ANKIB1: variants seen among roughly 807,000 people sequenced by gnomAD.
ANKIB1 encodes the protein ankyrin repeat and IBR domain-containing protein 1.
In ANKIB1, 43 loss-of-function variants were observed where a neutral mutation model predicts 122.1. The ratio of observed to expected loss-of-function variants is 0.35; its 90% confidence interval spans 0.28 to 0.45. ANKIB1 has a LOEUF of 0.45. Ranked by LOEUF, ANKIB1 falls within the 20% of genes least tolerant of loss-of-function variation. The pLI, the probability that ANKIB1 is intolerant of heterozygous loss-of-function variation, is 1.00. For missense variants in ANKIB1, 992 were observed against 1,329.5 expected, an observed-to-expected ratio of 0.75 and a Z score of 3.95; for synonymous variants, 390 against 442.0, an observed-to-expected ratio of 0.88 and a Z score of 1.48.
chr7:92,303,265 T>A (rs551981827), intron 2 of ANKIB1, among the ~76,000 whole-genome samples: 36 of 152,336 alleles, frequency 2.4e-4, no homozygotes, highest in Non-Finnish European at 4.7e-4. Flanking sequence ...CTTACCTAGT[T>A]GAGCATCCCA....
At chr7:92,256,237 A>G (rs927344967) in intron 1 of ANKIB1, among the ~76,000 whole-genome samples, 1 of 152,226 alleles carries the variant, frequency 6.6e-6, no homozygotes, top group Non-Finnish European at 1.5e-5. Flanking sequence ...TAGGCTGTGA[A>G]GAGATGAATC....
At chr7:92,309,850 G>T (rs1443447228) in intron 3 of ANKIB1, among the ~76,000 whole-genome samples, 1 of 148,578 alleles carries the variant, frequency 6.7e-6, no homozygotes, top group East Asian at 2.0e-4. Context: ...GCCTGAACAT[G>T]GGAGGCAGAG....
intron 1 of ANKIB1, among the ~76,000 whole-genome samples, chr7:92,250,111 T>C (rs562036824): frequency 3.2e-4 from 49 of 152,244 alleles, no homozygotes; most frequent in South Asian, 6.2e-4. Flanking sequence ...GCAGATAATT[T>C]GGCTGGGTGC....
intron 3 of ANKIB1, among the ~76,000 whole-genome samples, 152 bp downstream of exon 3, chr7:92,307,808 C>CTTTTTTTTT (rs71107855): frequency 4.2e-5 from 2 of 47,916 alleles, no homozygotes; most frequent in African/African-American, 9.2e-5. Flanking sequence ...TAAAGGGCCT[C>CTTTTTTTTT]TTTTTTTTTT....
chr7:92,253,448 C>A (rs1801372038), intron 1 of ANKIB1, among the ~76,000 whole-genome samples: 1 of 152,204 alleles, frequency 6.6e-6, no homozygotes, highest in Non-Finnish European at 1.5e-5. Flanking sequence ...CCACACAACA[C>A]CCATTGTCCT....
At chr7:92,338,972 T>TATATATATA (rs1562786409) in intron 5 of ANKIB1, among the ~76,000 whole-genome samples, 4 of 83,092 alleles carry the variant, frequency 4.8e-5, no homozygotes, top group Non-Finnish European at 6.7e-5. Flanking sequence ...ATATATATAT[T>TATATATATA]TATATGAATC....
At chr7:92,272,646 A>G (rs907913951) in intron 1 of ANKIB1, among the ~76,000 whole-genome samples, 1 of 152,176 alleles carries the variant, frequency 6.6e-6, no homozygotes, top group African/African-American at 2.4e-5. Context: ...AGGGAGTGCA[A>G]TAGGAGTTAT....
chr7:92,331,671 G>A (rs1803176449), intron 5 of ANKIB1, among the ~76,000 whole-genome samples: 2 of 152,122 alleles, frequency 1.3e-5, no homozygotes, highest in Non-Finnish European at 2.9e-5. Flanking sequence ...AGGAACAATT[G>A]TGGAAAGTTT....
At chr7:92,312,261 A>T (rs548542910) in intron 3 of ANKIB1, among the ~76,000 whole-genome samples, 2 of 152,326 alleles carry the variant, frequency 1.3e-5, no homozygotes, top group Admixed American at 6.5e-5. Flanking sequence ...CAAATTAATT[A>T]TTCTAAATTA....
Position 92,392,262 on chromosome 7 carries a change from T to C in ANKIB1, c.2253T>C (p.Asp751=), listed in dbSNP as rs368912213. 1.2e-6 allele frequency: 2 copies of C among 1,611,006 alleles called. No individual in the cohort carries two copies. Among genetic ancestry groups the C allele is most frequent in the South Asian group, 1.1e-5 (1 of 90,582 alleles). The change falls in exon 17 of 20, where the codon GAT becomes GAC. Residue 751 remains aspartate (D), a synonymous_variant. Coordinates refer to ENST00000265742, the MANE Select transcript of ANKIB1 (RefSeq NM_019004.2). ...PRRSFAGGTW[D]WEYLGFASPE... ...GTAGCTTTGCTGGTGGAACATGGGATTGGGAATATTTAGGATTTGCATCAC... is the reference window on the plus strand; with the variant it reads ...GTAGCTTTGCTGGTGGAACATGGGACTGGGAATATTTAGGATTTGCATCAC...
rs567982618 is a variant in ANKIB1, at chr7:92,296,052, C to T, written c.188+886C>T. Reference sequence around the variant, plus strand: ...TTGGAACTTGATTAAAAAAACTTAACGTTCAGCCTTTTTCCTGTTTCTTCC... The same window carrying T: ...TTGGAACTTGATTAAAAAAACTTAATGTTCAGCCTTTTTCCTGTTTCTTCC... On this transcript the variant is annotated intron_variant, in intron 2 of 19. Coordinates refer to ENST00000265742, the MANE Select transcript of ANKIB1 (RefSeq NM_019004.2). 7.9e-5 allele frequency among the ~76,000 whole-genome samples: 12 copies of T among 152,220 alleles called. No individual in the cohort carries two copies. In the South Asian group the frequency reaches 1.0e-3, roughly 13 times the overall value.
intron 1 of ANKIB1, among the ~76,000 whole-genome samples, chr7:92,261,328 G>A (rs1562763327): frequency 7.1e-6 from 1 of 140,792 alleles, no homozygotes. Flanking sequence ...CAGCCTGGGC[G>A]ACAGAGCGAG....
intron 10 of ANKIB1, among the ~76,000 whole-genome samples, chr7:92,368,464 C>A (rs1434353426): frequency 2.0e-5 from 3 of 151,938 alleles, no homozygotes; most frequent in African/African-American, 7.3e-5. Context: ...TGCCTGTAAT[C>A]CCAGTACTTG....
Position 92,397,770 on chromosome 7 carries a change from G to T in ANKIB1, c.2443G>T (p.Val815Leu). The T allele has an allele frequency of 6.2e-7, 1 of 1,610,872 alleles. No homozygotes were observed. Among genetic ancestry groups the T allele is most frequent in the African/African-American group, 1.3e-5 (1 of 74,704 alleles). Residue 815 changes from valine to leucine, a missense_variant, in exon 19 of 20, where the codon GTA (valine) becomes TTA (leucine). Transcript: ENST00000265742. ...CAGCCGCAGGCCTGGCACATCCGTG[G>T]TAAGTTCTGCATCTATGAGTGTGCT... ...SSSRRPGTSV[V>L]SSASMSVLHS...
intron 6 of ANKIB1, among the ~76,000 whole-genome samples, chr7:92,344,207 T>TG (rs1803491140): frequency 7.1e-6 from 1 of 139,938 alleles, no homozygotes; most frequent in African/African-American, 2.7e-5. Context: ...TTTTTTTTTT[T>TG]TTTTTTTTTT....
rs187368659 is a variant in ANKIB1 at position 92,350,667 on chromosome 7, G to A, written c.1086-283G>A. On this transcript the variant is annotated intron_variant, in intron 7 of 19. Coordinates refer to ENST00000265742, the MANE Select transcript of ANKIB1 (RefSeq NM_019004.2). ...GAGACCAGGGGTTCGAGATCAGTCT[G>A]GACAACATAGCAAGACCCATCGCTA... 2.1e-3 allele frequency among the ~76,000 whole-genome samples: 318 copies of A among 152,202 alleles called. 2 individuals are homozygous for A. The highest frequency in any genetic ancestry group is 7.2e-3 in the African/African-American group (300 of 41,540).
chr7:92,347,742 A>G (rs922218874), intron 7 of ANKIB1, among the ~76,000 whole-genome samples: 2 of 152,012 alleles, frequency 1.3e-5, no homozygotes, highest in African/African-American at 2.4e-5. Flanking sequence ...GTGAATTCCA[A>G]CTCTGCTATT....
At chr7:92,263,629 C>T (rs1801607901) in intron 1 of ANKIB1, among the ~76,000 whole-genome samples, 1 of 152,112 alleles carries the variant, frequency 6.6e-6, no homozygotes, top group Admixed American at 6.5e-5. Context: ...CAATACCTCT[C>T]TCAAGTTTCA....
chr7:92,291,088 G>T (rs556085420), intron 1 of ANKIB1, among the ~76,000 whole-genome samples: 1 of 152,198 alleles, frequency 6.6e-6, no homozygotes, highest in Non-Finnish European at 1.5e-5. Context: ...GAAGTCAGGA[G>T]TTCGAGACCA....
Sources: gnomAD v4.1 joint callset for allele counts (sites outside exome capture counted in the v4.1 genomes callset) on GRCh38, gnomAD v4.1.1 for gene constraint, MANE v1.5 for transcripts, NCBI Gene and HGNC (gene_info 2026-07-23, HGNC 2026-07-21) for gene names.